Variants in FGL1 observed in about 807,000 individuals in gnomAD.
The protein encoded by FGL1 is fibrinogen-like protein 1.
A neutral mutation model predicts 43.7 loss-of-function variants in FGL1; 59 were observed. That is an observed-to-expected ratio of 1.35 (90% CI 1.10 to 1.68). The LOEUF is 1.68. FGL1 is among the 40% of genes most tolerant of loss of function. The pLI is 0.00. For synonymous variants in FGL1, 192 were observed against 126.5 expected, an observed-to-expected ratio of 1.52 and a Z score of -3.48; for missense variants, 596 against 373.0, an observed-to-expected ratio of 1.60 and a Z score of -4.92.
chr8:17,869,013 G>C lies in FGL1; in HGVS notation c.503-9C>G, dbSNP rs1326737819. The C allele has an allele frequency of 1.9e-6, 3 of 1,556,494 alleles. No homozygotes were observed. The highest frequency in any genetic ancestry group is 1.8e-6 in the Non-Finnish European group (2 of 1,140,116). On this transcript the variant is annotated splice_polypyrimidine_tract_variant and intron_variant, in intron 5 of 7. Coordinates refer to ENST00000427924, the MANE Select transcript of FGL1 (RefSeq NM_004467.4). ...TTTTAAAGTGTAGTCTTCTAAAAAA[G>C]AAACAAGCAATTATAATTTTTAAAA...
chr8:17,882,914 TATA>T (rs1246014873), intron 2 of FGL1, among the ~76,000 whole-genome samples: 56 of 98,224 alleles, frequency 5.7e-4, no homozygotes, highest in African/African-American at 2.3e-3. Flanking sequence ...TTAAATAATA[TATA>T]ATATATCTCA....
chr8:17,885,596 A>G lies in FGL1; in HGVS notation c.-17-25T>C, dbSNP rs1207184086. 5.6e-6 allele frequency: 9 copies of G among 1,601,300 alleles called. No individual in the cohort carries two copies. In the South Asian group the frequency reaches 6.7e-5, roughly 12 times the overall value. ...ACTGCAAGAACAAAAAGAATTTTAT[A>G]AATGTATCAACCTTGAATTTTTCAT... On this transcript the variant is annotated intron_variant, in intron 1 of 7. Transcript: ENST00000427924.
intron 7 of FGL1, among the ~76,000 whole-genome samples, chr8:17,866,686 C>T (rs1159753381): frequency 1.3e-5 from 2 of 152,164 alleles, no homozygotes; most frequent in Non-Finnish European, 2.9e-5. Flanking sequence ...CCTTTGCCCA[C>T]ATTAATATAC....
chr8:17,868,663 C>T lies in FGL1; in HGVS notation c.664G>A (p.Glu222Lys). 6.2e-7 allele frequency: 1 copy of T among 1,614,010 alleles called. No homozygotes were observed. The highest frequency in any genetic ancestry group is 8.5e-7 in the Non-Finnish European group (1 of 1,179,984). ...TGGTGACTAGCCCACCACTGCACCT[C>T]AGGATGAAAATTCCCCGCAAGGGAA... ...GDSLAGNFHP[E>K]VQWWASHQRM... is the part of the protein sequence containing the mutation. The change falls in exon 7 of 8, where the codon GAG (glutamate) becomes AAG (lysine). Residue 222 changes from glutamate to lysine, a missense_variant. Transcript: ENST00000427924.
intron 1 of FGL1, among the ~76,000 whole-genome samples, chr8:17,893,917 A>C (rs2053741400): frequency 6.8e-6 from 1 of 147,218 alleles, no homozygotes. Context: ...CTTTTATAAT[A>C]TTTTTGCCTT....
rs374685173 is a variant in FGL1, at chr8:17,874,040, G to C, written c.481C>G (p.Leu161Val). 40 of 1,610,382 alleles carry C rather than the reference G, an allele frequency of 2.5e-5. No individual in the cohort carries two copies. The African/African-American group carries it at 5.2e-4, about 21-fold the overall frequency. Reference sequence around the variant, plus strand: ...TTACCTTGAGTGGTCAAGAAGTGAAGATTTTTATTGCCCAGCCAATATTCA... The same window carrying C: ...TTACCTTGAGTGGTCAAGAAGTGAACATTTTTATTGCCCAGCCAATATTCA... Reference protein sequence around the residue: ...HGEYWLGNKNLHFLTTQEDYT... With the variant: ...HGEYWLGNKNVHFLTTQEDYT... Residue 161 changes from leucine to valine, a missense_variant, in exon 5 of 8, where the codon CTT becomes GTT. By Grantham distance (32) the Leu-to-Val change is conservative. Transcript: ENST00000427924.
At chr8:17,868,446 A>T (rs2053303682) in intron 7 of FGL1, 102 bp downstream of exon 7, 2 of 877,936 alleles carry the variant, frequency 2.3e-6, no homozygotes, top group Middle Eastern at 2.5e-4. Flanking sequence ...TACTAATATT[A>T]TAAATAAAGA....
chr8:17,879,891 C>T (rs1189975676), intron 3 of FGL1, among the ~76,000 whole-genome samples: 3 of 152,114 alleles, frequency 2.0e-5, no homozygotes, highest in African/African-American at 4.8e-5. Flanking sequence ...TGAGTCTGTG[C>T]CAATAACCTG....
In FGL1 at chr8:17,895,455, A is replaced by G; in HGVS notation, c.-26T>C. 1 of 1,284,252 alleles carries G rather than the reference A, an allele frequency of 7.8e-7. No homozygotes were observed. The highest frequency in any genetic ancestry group is 1.0e-6 in the Non-Finnish European group (1 of 984,450). The allele number at this position is 1,284,252 out of a possible 1,614,324, so 79.6% of individuals were successfully genotyped here. A position where few individuals can be genotyped will look rare whatever the true frequency, so the allele number is the denominator to read the frequency against. Reference sequence around the variant, plus strand: ...GACATTAAATAACTTGCCTAAAGTCAGAAGTGAGTCAGAGACCCAGCTCAG... The same window carrying G: ...GACATTAAATAACTTGCCTAAAGTCGGAAGTGAGTCAGAGACCCAGCTCAG... On this transcript the variant is annotated 5_prime_UTR_variant, in exon 1 of 8. Coordinates refer to ENST00000427924, the MANE Select transcript of FGL1 (RefSeq NM_004467.4).
At chr8:17,875,515 CTTTCTTTCTTTCTTTCTTTCT>C (rs2053434317) in intron 3 of FGL1, among the ~76,000 whole-genome samples, 2 of 9,128 alleles carry the variant, frequency 2.2e-4, no homozygotes, top group African/African-American at 7.8e-4. Flanking sequence ...TTCTTTCTTT[CTTTCTTTCTTTCTTTCTTTCT>C]CTTTCTTTCT....
intron 1 of FGL1, chr8:17,891,140 T>A (rs569380500): frequency 6.6e-6 from 1 of 152,326 alleles, no homozygotes; most frequent in East Asian, 1.9e-4. Flanking sequence ...ACATCTATTA[T>A]GTATACTGCC....
At chr8:17,880,913 C>T (rs1231389430) in intron 3 of FGL1, among the ~76,000 whole-genome samples, 1 of 152,118 alleles carries the variant, frequency 6.6e-6, no homozygotes, top group Non-Finnish European at 1.5e-5. Flanking sequence ...TTGAAAGGAA[C>T]ATTATGAAAT....
rs34589693 is a variant in FGL1 at position 17,884,187 on chromosome 8, TTC to T, written c.63+1303_63+1304del. ...CCAGCCATTTTTCTAGGATGATTCC[TTC>T]TCTCTCTCTCTCTCTTTCTTTCAAC... On this transcript the variant is annotated intron_variant, in intron 2 of 7. Coordinates refer to ENST00000427924, the MANE Select transcript of FGL1 (RefSeq NM_004467.4). Among the ~76,000 whole-genome samples the T allele has an allele frequency of 2.1e-4, 31 of 145,492 alleles. 1 individual carries two copies. Among genetic ancestry groups the T allele is most frequent in the East Asian group, 4.4e-4 (2 of 4,566 alleles).
intron 5 of FGL1, among the ~76,000 whole-genome samples, chr8:17,870,504 C>T (rs2053342124): frequency 6.6e-6 from 1 of 152,138 alleles, no homozygotes; most frequent in African/African-American, 2.4e-5. Context: ...AGTTTCAAGC[C>T]AGACCATGGA....
intron 3 of FGL1, among the ~76,000 whole-genome samples, chr8:17,875,656 G>A (rs1161301829): frequency 2.0e-5 from 3 of 150,780 alleles, no homozygotes; most frequent in African/African-American, 7.4e-5. Context: ...CCAGGCTGGA[G>A]TGCAATGGTG....
intron 3 of FGL1, among the ~76,000 whole-genome samples, chr8:17,879,982 G>A (rs7827713): frequency 2.9e-4 from 44 of 152,118 alleles, no homozygotes; most frequent in African/African-American, 1.0e-3. Flanking sequence ...TGGCATCTAC[G>A]AGTTCCTCGC....
At chr8:17,887,943 T>C (rs1210564524) in intron 1 of FGL1, among the ~76,000 whole-genome samples, 1 of 152,170 alleles carries the variant, frequency 6.6e-6, no homozygotes, top group African/African-American at 2.4e-5. Context: ...ATTTCACTCT[T>C]TATTTTATCT....
chr8:17,883,824 C>G lies in FGL1; in HGVS notation c.64-1645G>C, dbSNP rs568548058. 1.6e-3 allele frequency among the ~76,000 whole-genome samples: 225 copies of G among 138,290 alleles called. 2 individuals are homozygous for G. The highest frequency in any genetic ancestry group is 9.2e-3 in the Middle Eastern group (2 of 218). The allele number at this position is 138,290 out of a possible 152,430, so 90.7% of individuals were successfully genotyped here. ...CCCTTCCCCTTTCCCTTCCTCTTCC[C>G]TTACGTTTCCTTTCTCAGAACCTCT... On this transcript the variant is annotated intron_variant, in intron 2 of 7. Transcript: ENST00000427924.
chr8:17,887,913 C>A (rs1030532329), intron 1 of FGL1, among the ~76,000 whole-genome samples: 1 of 151,512 alleles, frequency 6.6e-6, no homozygotes, highest in Non-Finnish European at 1.5e-5. Context: ...TTTGTAGCAA[C>A]AATTTATAAG....
Sources: gnomAD v4.1 joint callset for allele counts (sites outside exome capture counted in the v4.1 genomes callset) on GRCh38, gnomAD v4.1.1 for gene constraint, MANE v1.5 for transcripts, NCBI Gene and HGNC (gene_info 2026-07-23, HGNC 2026-07-21) for gene names.